Variants in ADGRG6 observed in about 807,000 individuals in gnomAD.
ADGRG6 encodes the protein G-protein coupled receptor 126.
In ADGRG6, 84 loss-of-function variants were observed where a neutral mutation model predicts 142.4. The observed-to-expected ratio is 0.59, with a 90% CI of 0.49 to 0.71. The LOEUF (loss-of-function observed/expected upper bound fraction) is 0.71. Among genes scored for constraint, ADGRG6 ranks in the 30% least tolerant of loss-of-function variants. ADGRG6 has a pLI of 0.00. For missense variants in ADGRG6, 1,367 were observed against 1,466.6 expected (o/e 0.93, Z 1.11); for synonymous variants, 521 against 520.5 (o/e 1.00, Z -0.01).
At chr6:142,366,648 G>A (rs761086464) in intron 2 of ADGRG6, among the ~76,000 whole-genome samples, 1 of 151,744 alleles carries the variant, frequency 6.6e-6, no homozygotes, top group Non-Finnish European at 1.5e-5. Flanking sequence ...CTAGCTACTC[G>A]GGAGGCTGAG....
At chr6:142,421,828 TA>T (rs1326630509) in intron 22 of ADGRG6, among the ~76,000 whole-genome samples, 1 of 152,182 alleles carries the variant, frequency 6.6e-6, no homozygotes, top group East Asian at 1.9e-4. Flanking sequence ...TTAAATCATA[TA>T]AATTCAGAAC....
chr6:142,357,807 G>T (rs1233727147), intron 2 of ADGRG6, among the ~76,000 whole-genome samples: 3 of 152,146 alleles, frequency 2.0e-5, no homozygotes, highest in Admixed American at 1.3e-4. Context: ...TAACCCTCTG[G>T]TGACCATATG....
intron 6 of ADGRG6, among the ~76,000 whole-genome samples, chr6:142,384,304 A>G (rs1485754206): frequency 1.3e-5 from 2 of 152,144 alleles, no homozygotes; most frequent in Non-Finnish European, 2.9e-5. Flanking sequence ...TGACATTTAC[A>G]TCAATGTCCA....
intron 2 of ADGRG6, among the ~76,000 whole-genome samples, chr6:142,336,394 G>A (rs1289940605): frequency 6.6e-6 from 1 of 152,098 alleles, no homozygotes; most frequent in Non-Finnish European, 1.5e-5. Flanking sequence ...GTCACAATTA[G>A]TTTCATCATA....
chr6:142,378,154 T>G (rs902549825), intron 4 of ADGRG6, among the ~76,000 whole-genome samples: 6 of 152,218 alleles, frequency 3.9e-5, no homozygotes, highest in Non-Finnish European at 7.3e-5. Context: ...TTGTTAAATA[T>G]CTTGCTCTAA....
At chr6:142,343,552 T>C (rs976584842) in intron 2 of ADGRG6, among the ~76,000 whole-genome samples, 10 of 151,868 alleles carry the variant, frequency 6.6e-5, no homozygotes, top group Non-Finnish European at 1.2e-4. Flanking sequence ...TTATTAAATC[T>C]ACATTCAGGT....
At position 142,388,094 on chromosome 6, in the gene ADGRG6, G is replaced by C. The variant is rs541645534; in HGVS notation, c.1223-2164G>C. 1.3e-5 allele frequency among the ~76,000 whole-genome samples: 2 copies of C among 152,212 alleles called. 1 individual carries two copies. The highest frequency in any genetic ancestry group is 3.9e-4 in the East Asian group (2 of 5,182). ...TCTTAATTATGCATTTCCTCCAATG[G>C]CAATGTTGAAGCCAATTATTTTGCT... On this transcript the variant is annotated intron_variant, in intron 6 of 24. Coordinates refer to ENST00000367609, the MANE Select transcript of ADGRG6 (RefSeq NM_198569.3).
chr6:142,318,529 C>T (rs1156800362), intron 2 of ADGRG6, among the ~76,000 whole-genome samples: 1 of 146,342 alleles, frequency 6.8e-6, no homozygotes, highest in African/African-American at 2.5e-5. Flanking sequence ...GGGAGACTAA[C>T]GTGAGAAAAA....
chr6:142,322,248 A>G (rs1367016922), intron 2 of ADGRG6, among the ~76,000 whole-genome samples: 1 of 152,002 alleles, frequency 6.6e-6, no homozygotes, highest in African/African-American at 2.4e-5. Context: ...AATAATAAAA[A>G]TATTAGCCAC....
intron 4 of ADGRG6, among the ~76,000 whole-genome samples, chr6:142,381,688 A>C (rs1781778278): frequency 2.0e-5 from 3 of 152,338 alleles, no homozygotes; most frequent in African/African-American, 7.2e-5. Context: ...CTTTTTGCAC[A>C]AACTTTAAGG....
In ADGRG6 at chr6:142,415,884, T is replaced by G. The variant is rs752150834; in HGVS notation, c.2758T>G (p.Trp920Gly). Reference sequence around the variant, plus strand: ...GAATCTCCTCTTCCTCCTAGATGGCTGGATCACCTCCTTCAATGTGGATGG... The same window carrying G: ...GAATCTCCTCTTCCTCCTAGATGGCGGGATCACCTCCTTCAATGTGGATGG... ...FLNLLFLLDG[W>G]ITSFNVDGLC... Residue 920 changes from tryptophan to glycine, a missense_variant, in exon 20 of 25, where the codon TGG (tryptophan) becomes GGG (glycine). Around this residue, in one of 3 missense-constraint regions of ADGRG6, gnomAD observed 286 missense variants for 371.4 expected, o/e 0.77. Coordinates refer to ENST00000367609, the MANE Select transcript of ADGRG6 (RefSeq NM_198569.3). 2.5e-6 allele frequency: 4 copies of G among 1,613,306 alleles called. No individual in the cohort carries two copies. The highest frequency in any genetic ancestry group is 2.2e-5 in the South Asian group (2 of 91,080).
intron 9 of ADGRG6, among the ~76,000 whole-genome samples, chr6:142,394,932 G>A (rs1334305129): frequency 6.6e-6 from 1 of 151,984 alleles, no homozygotes; most frequent in East Asian, 1.9e-4. Context: ...TGAAGCAAAA[G>A]TTTCTATAAG....
chr6:142,304,340 TGTA>T, intron 1 of ADGRG6, among the ~76,000 whole-genome samples: 1 of 152,162 alleles, frequency 6.6e-6, no homozygotes, highest in Non-Finnish European at 1.5e-5. Context: ...ATTTGGGAGT[TGTA>T]GTGACTGCAT....
In ADGRG6 at chr6:142,375,284, C is replaced by G. The variant is rs569341715; in HGVS notation, c.1069+4491C>G. 2.6e-4 allele frequency among the ~76,000 whole-genome samples: 40 copies of G among 152,246 alleles called. No individual in the cohort carries two copies. In the South Asian group the frequency reaches 6.6e-3, roughly 25 times the overall value. On this transcript the variant is annotated intron_variant, in intron 4 of 24. Transcript: ENST00000367609. ...CTATAAGTTTTCAAAGTAATTTTGTCAAAAGGGTACCGTGAACTTAACGGA... is the reference window on the plus strand; with the variant it reads ...CTATAAGTTTTCAAAGTAATTTTGTGAAAAGGGTACCGTGAACTTAACGGA...
intron 22 of ADGRG6, among the ~76,000 whole-genome samples, chr6:142,420,446 C>T (rs1776608033): frequency 6.6e-6 from 1 of 152,150 alleles, no homozygotes; most frequent in African/African-American, 2.4e-5. Context: ...GATGCACAGA[C>T]AAGTTACCTT....
At chr6:142,388,487 C>T (rs1450733191) in intron 6 of ADGRG6, among the ~76,000 whole-genome samples, 1 of 151,920 alleles carries the variant, frequency 6.6e-6, no homozygotes, top group Non-Finnish European at 1.5e-5. Flanking sequence ...GTTTGCATTC[C>T]TATAAACCCA....
chr6:142,307,149 A>G (rs899983075), intron 1 of ADGRG6, among the ~76,000 whole-genome samples: 5 of 152,174 alleles, frequency 3.3e-5, no homozygotes, highest in Non-Finnish European at 7.4e-5. Flanking sequence ...GCAGGAATCT[A>G]TGAGTATTAT....
At position 142,423,278 on chromosome 6, in the gene ADGRG6, C is replaced by A. The variant is rs1312682463; in HGVS notation, c.3319+3174C>A. Among the ~76,000 whole-genome samples the A allele has an allele frequency of 1.4e-4, 20 of 144,442 alleles. No individual in the cohort carries two copies. The South Asian group carries it at 4.2e-3, about 30-fold the overall frequency. The allele number at this position is 144,442 out of a possible 152,430, so 94.8% of individuals were successfully genotyped here. A position where few individuals can be genotyped will look rare whatever the true frequency, so the allele number is the denominator to read the frequency against. ...TGAATGGTAATGCCTAGGTTTTCTTCTAGGGTTTTTATGGTTTTAGGTCTA... is the reference window on the plus strand; with the variant it reads ...TGAATGGTAATGCCTAGGTTTTCTTATAGGGTTTTTATGGTTTTAGGTCTA... On this transcript the variant is annotated intron_variant, in intron 22 of 24. Transcript: ENST00000367609.
intron 13 of ADGRG6, 43 bp downstream of exon 13, chr6:142,402,873 A>G: frequency 2.0e-6 from 2 of 982,318 alleles, no homozygotes; most frequent in Non-Finnish European, 3.0e-6. Flanking sequence ...TTATTGGATA[A>G]TGATGTTACA....
Sources: allele counts gnomAD v4.1 joint callset (sites outside exome capture counted in the v4.1 genomes callset), GRCh38; gene constraint gnomAD v4.1.1; regional missense constraint gnomAD v4.1.1; transcripts MANE v1.5; gene names NCBI Gene and HGNC (gene_info 2026-07-23, HGNC 2026-07-21).